The following MYT1L variants were observed in gnomAD, a reference collection of about 807,000 sequenced individuals.
The protein encoded by MYT1L is myelin transcription factor 1 like, also known as myelin transcription factor 1-like protein.
Under a neutral mutation model 126.7 loss-of-function variants are expected in MYT1L, and 12 were observed. The observed-to-expected ratio is 0.09, with a 90% confidence interval of 0.06 to 0.15. MYT1L has a LOEUF of 0.15. Among genes scored for constraint, MYT1L ranks in the 10% least tolerant of loss-of-function variants. MYT1L has a pLI of 1.00. For synonymous variants in MYT1L, 541 were observed against 604.2 expected, an observed-to-expected ratio of 0.90 and a Z score of 1.53; for missense variants, 979 against 1,585.2, an observed-to-expected ratio of 0.62 and a Z score of 6.49.
At chr2:2,097,859 G>A (rs2077616866) in intron 3 of MYT1L, among the ~76,000 whole-genome samples, 1 of 152,090 alleles carries the variant, frequency 6.6e-6, no homozygotes, top group South Asian at 2.1e-4. Context: ...CTGGTGGGAG[G>A]TGATTGTATC....
intron 3 of MYT1L, among the ~76,000 whole-genome samples, chr2:2,093,245 G>A (rs886227102): frequency 5.3e-5 from 8 of 151,184 alleles, no homozygotes; most frequent in African/African-American, 1.9e-4. Context: ...TAGGATACCT[G>A]GAGTGGAGAA....
At chr2:2,233,818 G>A (rs2094217726) in intron 2 of MYT1L, among the ~76,000 whole-genome samples, 1 of 152,190 alleles carries the variant, frequency 6.6e-6, no homozygotes, top group Admixed American at 6.5e-5. Flanking sequence ...ACCCTGTACT[G>A]GCCTGCCAAG....
intron 13 of MYT1L, 147 bp from the exon 14 acceptor site, chr2:1,903,441 T>G: frequency 1.5e-6 from 1 of 664,314 alleles, no homozygotes; most frequent in Non-Finnish European, 2.6e-6. Context: ...TTTTATTTTC[T>G]GAATAAAAGA....
chr2:2,120,578 C>G (rs1171709554), intron 3 of MYT1L, among the ~76,000 whole-genome samples: 1 of 151,930 alleles, frequency 6.6e-6, no homozygotes, highest in Non-Finnish European at 1.5e-5. Context: ...CGGCTCTGTA[C>G]GCTGGTACAC....
At chr2:1,915,410 G>A (rs936246091) in intron 11 of MYT1L, among the ~76,000 whole-genome samples, 2 of 152,100 alleles carry the variant, frequency 1.3e-5, no homozygotes, top group Non-Finnish European at 2.9e-5. Flanking sequence ...CAGCCGGCGC[G>A]AAGGGCACCT....
chr2:2,270,299 C>A (rs1040748071), intron 2 of MYT1L, among the ~76,000 whole-genome samples: 1 of 152,194 alleles, frequency 6.6e-6, no homozygotes. Context: ...GTGGCAGCAG[C>A]CTGGGCAGCC....
At chr2:1,845,471 C>G (rs928815121) in intron 19 of MYT1L, among the ~76,000 whole-genome samples, 1 of 152,078 alleles carries the variant, frequency 6.6e-6, no homozygotes, top group Admixed American at 6.6e-5. Flanking sequence ...TTCTTTATAC[C>G]GGATGATGAT....
intron 9 of MYT1L, among the ~76,000 whole-genome samples, chr2:1,932,603 G>A (rs760709795): frequency 1.2e-4 from 18 of 152,198 alleles, no homozygotes; most frequent in Middle Eastern, 3.2e-3. Flanking sequence ...ACATAGTGAC[G>A]TGTGTTCCAC....
intron 2 of MYT1L, among the ~76,000 whole-genome samples, chr2:2,268,542 T>A (rs1427581718): frequency 6.6e-6 from 1 of 152,122 alleles, no homozygotes; most frequent in Non-Finnish European, 1.5e-5. Context: ...TGTTTAACAT[T>A]AAACAATCAG....
intron 3 of MYT1L, among the ~76,000 whole-genome samples, chr2:2,111,004 C>T (rs1179194733): frequency 6.6e-6 from 1 of 152,206 alleles, no homozygotes; most frequent in Admixed American, 6.5e-5. Flanking sequence ...GGGGCATGGG[C>T]TCCTCCTGGG....
chr2:1,896,168 T>C (rs1257620248), intron 14 of MYT1L, among the ~76,000 whole-genome samples: 1 of 152,110 alleles, frequency 6.6e-6, no homozygotes, highest in Non-Finnish European at 1.5e-5. Context: ...GAATGGCTAT[T>C]ATTAAAAAGC....
At chr2:2,048,341 G>A (rs191349593) in intron 4 of MYT1L, among the ~76,000 whole-genome samples, 144 of 152,264 alleles carry the variant, frequency 9.5e-4, no homozygotes, top group Non-Finnish European at 1.4e-3. Context: ...GCAAAATGTC[G>A]TGCTTGCTTG....
chr2:2,328,583 A>T (rs542176854), intron 1 of MYT1L, among the ~76,000 whole-genome samples: 4 of 152,300 alleles, frequency 2.6e-5, no homozygotes, highest in African/African-American at 9.6e-5. Flanking sequence ...CTGCTGTTGG[A>T]TGCAAGTTTA....
chr2:1,859,841 C>T (rs887628888), intron 18 of MYT1L, among the ~76,000 whole-genome samples: 5 of 152,212 alleles, frequency 3.3e-5, no homozygotes, highest in Non-Finnish European at 7.3e-5. Flanking sequence ...TTGGGGACAG[C>T]GCGCCGGATG....
intron 2 of MYT1L, among the ~76,000 whole-genome samples, chr2:2,181,461 A>G (rs2091513797): frequency 6.6e-6 from 1 of 152,168 alleles, no homozygotes; most frequent in Non-Finnish European, 1.5e-5. Context: ...GAATTCTAGC[A>G]GTAAGCCCCG....
At position 1,856,886 on chromosome 2, in the gene MYT1L, C is replaced by T. The variant is rs954109696; in HGVS notation, c.2712-5183G>A. On this transcript the variant is annotated intron_variant, in intron 18 of 24. Transcript: ENST00000647738. ...GGCAGAGACTCCTGGAGACAGAGGCCAGGAAAGAGCCCACAGCACAGACAT... is the reference window on the plus strand; with the variant it reads ...GGCAGAGACTCCTGGAGACAGAGGCTAGGAAAGAGCCCACAGCACAGACAT... 1.4e-4 allele frequency among the ~76,000 whole-genome samples: 22 copies of T among 152,154 alleles called. 1 individual carries two copies. The highest frequency in any genetic ancestry group is 5.3e-4 in the African/African-American group (22 of 41,436).
chr2:1,828,998 A>G (rs2039743755), intron 21 of MYT1L, among the ~76,000 whole-genome samples: 1 of 152,064 alleles, frequency 6.6e-6, no homozygotes, highest in Admixed American at 6.5e-5. Flanking sequence ...GGTGGCAAAA[A>G]AGGATGCTCA....
intron 3 of MYT1L, among the ~76,000 whole-genome samples, chr2:2,073,498 G>C (rs1453973602): frequency 6.6e-6 from 1 of 152,238 alleles, no homozygotes; most frequent in Admixed American, 6.5e-5. Flanking sequence ...CTCCTACGGG[G>C]AAGAGAGAGG....
At chr2:2,122,872 T>TGTGTGTGTGAGAGAGAGA (rs553951630) in intron 3 of MYT1L, among the ~76,000 whole-genome samples, 2 of 132,992 alleles carry the variant, frequency 1.5e-5, no homozygotes, top group African/African-American at 5.9e-5. Flanking sequence ...TGTGTGTGTG[T>TGTGTGTGTGAGAGAGAGA]GAGAGAGAGA....
Sources: gnomAD v4.1 joint callset for allele counts (sites outside exome capture counted in the v4.1 genomes callset) on GRCh38, gnomAD v4.1.1 for gene constraint, MANE v1.5 for transcripts, NCBI Gene and HGNC (gene_info 2026-07-23, HGNC 2026-07-21) for gene names.